Variants in RABEP1 observed in about 807,000 individuals in gnomAD.
RABEP1 encodes the protein rab GTPase-binding effector protein 1.
A neutral mutation model predicts 123.4 loss-of-function variants in RABEP1; 51 were observed. The observed-to-expected ratio is 0.41, with a 90% CI of 0.33 to 0.52. The LOEUF is 0.52. Among genes scored for constraint, RABEP1 ranks in the 20% least tolerant of loss-of-function variants. The pLI is 0.16. For synonymous variants in RABEP1, 347 were observed against 355.2 expected (o/e 0.98, Z 0.26); for missense variants, 888 against 996.3 (o/e 0.89, Z 1.46).
chr17:5,378,661 T>A (rs931477039), intron 15 of RABEP1: 1 of 224,938 alleles, frequency 4.4e-6, no homozygotes, highest in Non-Finnish European at 8.7e-6. Flanking sequence ...GTTCCTTGAT[T>A]TAGAGATTTT....
intron 9 of RABEP1, 36 bp downstream of exon 9, chr17:5,361,711 C>T (rs1264102523): frequency 1.0e-5 from 15 of 1,502,348 alleles, no homozygotes; most frequent in East Asian, 4.5e-5. Flanking sequence ...CTCTTGCTCA[C>T]GCTGAGGCAC....
chr17:5,346,691 G>A (rs545962531), intron 5 of RABEP1, 99 bp from the exon 6 acceptor site: 162 of 802,282 alleles, frequency 2.0e-4, no homozygotes, highest in Admixed American at 7.2e-4. Context: ...AAAAGTAAGT[G>A]TAAATTTTTT....
chr17:5,326,999 G>A (rs73337263), intron 2 of RABEP1, among the ~76,000 whole-genome samples: 18,052 of 152,148 alleles, frequency 0.12, 1,430 homozygotes, highest in African/African-American at 0.22. Flanking sequence ...TGTACAGCAC[G>A]TTACTGTACT....
At chr17:5,291,465 C>T (rs879357948) in intron 1 of RABEP1, among the ~76,000 whole-genome samples, 2 of 152,130 alleles carry the variant, frequency 1.3e-5, no homozygotes, top group African/African-American at 4.8e-5. Flanking sequence ...TTTTATTCTA[C>T]ATTTTAAATT....
intron 4 of RABEP1, among the ~76,000 whole-genome samples, chr17:5,336,302 T>C (rs1907078401): frequency 6.6e-6 from 1 of 152,200 alleles, no homozygotes; most frequent in Non-Finnish European, 1.5e-5. Flanking sequence ...TCTGAAAAAT[T>C]GGGAAGATAG....
intron 2 of RABEP1, among the ~76,000 whole-genome samples, chr17:5,317,028 C>G (rs1362974249): frequency 6.6e-6 from 1 of 151,930 alleles, no homozygotes; most frequent in Non-Finnish European, 1.5e-5. Context: ...CCCTAGCCTC[C>G]TGAGTTGCTG....
chr17:5,341,558 G>C (rs57638638), intron 5 of RABEP1, among the ~76,000 whole-genome samples: 1 of 151,934 alleles, frequency 6.6e-6, no homozygotes, highest in African/African-American at 2.4e-5. Context: ...TATATTTTAC[G>C]AACTCTCAGG....
intron 10 of RABEP1, 94 bp from the exon 11 acceptor site, chr17:5,365,026 TAA>T (rs1284075722): frequency 3.2e-5 from 24 of 743,438 alleles, no homozygotes; most frequent in African/African-American, 9.3e-5. Context: ...GAAAAAGACA[TAA>T]GAGATTTTTT....
chr17:5,373,126 C>T (rs1414119592), intron 12 of RABEP1, among the ~76,000 whole-genome samples, 188 bp from the exon 13 acceptor site: 1 of 152,136 alleles, frequency 6.6e-6, no homozygotes, highest in Non-Finnish European at 1.5e-5. Context: ...GCTTCATTGC[C>T]TGTCCCTTGT....
intron 1 of RABEP1, among the ~76,000 whole-genome samples, chr17:5,285,155 A>G (rs1319848511): frequency 6.6e-6 from 1 of 152,140 alleles, no homozygotes; most frequent in Non-Finnish European, 1.5e-5. Flanking sequence ...AATACAGGTA[A>G]TTTTAATAGT....
At chr17:5,381,772 C>G (rs149795674) in intron 17 of RABEP1, 3 of 285,268 alleles carry the variant, frequency 1.1e-5, no homozygotes, top group Non-Finnish European at 1.9e-5. Context: ...TAAGACTCTT[C>G]CCAACCAGGC....
Position 5,385,917 on chromosome 17 carries a change from C to T in RABEP1, c.*2694C>T, listed in dbSNP as rs777311606. Reference sequence around the variant, plus strand: ...AGCTCACAAGAATAACTAACTTGCTCAAATATGGAGAAAACTCAATAGGGT... The same window carrying T: ...AGCTCACAAGAATAACTAACTTGCTTAAATATGGAGAAAACTCAATAGGGT... On this transcript the variant is annotated 3_prime_UTR_variant, in exon 18 of 18. Coordinates refer to ENST00000537505, the MANE Select transcript of RABEP1 (RefSeq NM_004703.6). 2.9e-6 allele frequency: 1 copy of T among 347,472 alleles called. No homozygotes were observed. Among genetic ancestry groups the T allele is most frequent in the Admixed American group, 4.7e-5 (1 of 21,492 alleles). The allele number at this position is 347,472 out of a possible 1,614,324, so 21.5% of individuals were successfully genotyped here. A position where few individuals can be genotyped will look rare whatever the true frequency, so the allele number is the denominator to read the frequency against.
intron 5 of RABEP1, among the ~76,000 whole-genome samples, chr17:5,344,179 G>A (rs1907865708): frequency 6.6e-6 from 1 of 152,140 alleles, no homozygotes; most frequent in Non-Finnish European, 1.5e-5. Context: ...AAGTTGGCTG[G>A]ACGTGGTAGC....
Position 5,346,924 on chromosome 17 carries a change from A to C in RABEP1, c.783A>C (p.Glu261Asp). 1 of 1,598,466 alleles carries C rather than the reference A, an allele frequency of 6.3e-7. No individual in the cohort carries two copies. The highest frequency in any genetic ancestry group is 2.2e-5 in the East Asian group (1 of 44,512). Residue 261 changes from glutamate to aspartate, a missense_variant and splice_region_variant, in exon 6 of 18, where the codon GAA becomes GAC. Physicochemically the swap from Glu to Asp is conservative, Grantham distance 45 (BLOSUM62 2). Transcript: ENST00000537505. ...DAEKLRKELH[E>D]VCHLLEQERQ... ...AGAAACTGCGGAAAGAATTGCATGAAGGTAAATATACTGTATATTTTTATC... is the reference window on the plus strand; with the variant it reads ...AGAAACTGCGGAAAGAATTGCATGACGGTAAATATACTGTATATTTTTATC...
chr17:5,368,017 A>G (rs1910219753), intron 11 of RABEP1, among the ~76,000 whole-genome samples: 2 of 151,924 alleles, frequency 1.3e-5, no homozygotes, highest in African/African-American at 2.4e-5. Flanking sequence ...TCAGCCTCCC[A>G]AAGTGCTGGG....
Position 5,383,334 on chromosome 17 carries a change from A to T in RABEP1, c.*111A>T. 2.3e-6 allele frequency: 2 copies of T among 860,496 alleles called. No homozygotes were observed. The highest frequency in any genetic ancestry group is 3.1e-5 in the South Asian group (2 of 64,420). The allele number at this position is 860,496 out of a possible 1,614,324, so 53.3% of individuals were successfully genotyped here. ...AAGAAAGAGAAGTCACAACAAAAGG[A>T]AGACTGGAGAAATGCTTACTTCTAG... On this transcript the variant is annotated 3_prime_UTR_variant, in exon 18 of 18. Coordinates refer to ENST00000537505, the MANE Select transcript of RABEP1 (RefSeq NM_004703.6).
In RABEP1 at chr17:5,323,799, A is replaced by AATAT. The variant is rs1190446236; in HGVS notation, c.164-8139_164-8136dup. Among the ~76,000 whole-genome samples, 62 of 104,452 alleles carry AATAT rather than the reference A, an allele frequency of 5.9e-4. 8 individuals are homozygous for AATAT. The highest frequency in any genetic ancestry group is 1.8e-3 in the African/African-American group (38 of 20,704). The allele number at this position is 104,452 out of a possible 152,430, so 68.5% of individuals were successfully genotyped here. Reference sequence around the variant, plus strand: ...CTAGGAATATATATATATATCTAGGAATATATATATATATCTAGGAATATA... The same window carrying AATAT: ...CTAGGAATATATATATATATCTAGGAATATATATATATATATATCTAGGAATATA... On this transcript the variant is annotated intron_variant, in intron 2 of 17. Transcript: ENST00000537505.
intron 1 of RABEP1, among the ~76,000 whole-genome samples, chr17:5,298,633 G>A (rs1269513854): frequency 1.3e-5 from 2 of 150,788 alleles, no homozygotes; most frequent in African/African-American, 4.9e-5. Context: ...CCAGTCTCAC[G>A]TATAACTCCC....
chr17:5,291,807 A>C (rs1258802804), intron 1 of RABEP1, among the ~76,000 whole-genome samples: 1 of 152,088 alleles, frequency 6.6e-6, no homozygotes, highest in Admixed American at 6.6e-5. Flanking sequence ...AGAGGCTGAG[A>C]CAGGAGAGAG....
Sources: allele counts gnomAD v4.1 joint callset (sites outside exome capture counted in the v4.1 genomes callset), GRCh38; gene constraint gnomAD v4.1.1; transcripts MANE v1.5; gene names NCBI Gene and HGNC (gene_info 2026-07-23, HGNC 2026-07-21).